Variants in STRBP observed in about 807,000 individuals in gnomAD.
STRBP encodes the protein spermatid perinuclear RNA binding protein.
Under a neutral mutation model 80.1 loss-of-function variants are expected in STRBP, and 13 were observed. That is an observed-to-expected ratio of 0.16 (90% confidence interval 0.11 to 0.26). The LOEUF (loss-of-function observed/expected upper bound fraction) is 0.26. Ranked by LOEUF, STRBP falls within the 10% of genes least tolerant of loss-of-function variation. The pLI is 1.00. For missense variants in STRBP, 485 were observed against 815.2 expected (o/e 0.59, Z 4.93); for synonymous variants, 284 against 291.2 (o/e 0.98, Z 0.25).
intron 2 of STRBP, among the ~76,000 whole-genome samples, chr9:123,224,137 G>T (rs1270764591): frequency 6.6e-6 from 1 of 152,104 alleles, no homozygotes; most frequent in Non-Finnish European, 1.5e-5. Flanking sequence ...TTATATATTA[G>T]CTCTAATCTT....
chr9:123,136,253 T>A lies in STRBP; in HGVS notation c.1633-72A>T. The A allele has an allele frequency of 6.3e-7, 1 of 1,599,910 alleles. No individual in the cohort carries two copies. Among genetic ancestry groups the A allele is most frequent in the South Asian group, 1.1e-5 (1 of 89,312 alleles). ...ATGTCCTTTTAATTTAAATAGATTA[T>A]GACACAGAAAACACCAAAAATCAAA... On this transcript the variant is annotated intron_variant, in intron 15 of 18. Transcript: ENST00000348403. The surrounding 1 kb of genome is among the most constrained non-coding windows in gnomAD (Gnocchi z 4.2).
Position 123,123,893 on chromosome 9 carries a change from C to T in STRBP, c.*1704G>A, listed in dbSNP as rs1270276734. 1.0e-6 allele frequency: 1 copy of T among 985,312 alleles called. No individual in the cohort carries two copies. Among genetic ancestry groups the T allele is most frequent in the Non-Finnish European group, 1.2e-6 (1 of 829,950 alleles). The allele number at this position is 985,312 out of a possible 1,614,324, so 61.0% of individuals were successfully genotyped here. On this transcript the variant is annotated 3_prime_UTR_variant, in exon 19 of 19. Transcript: ENST00000348403. Reference sequence around the variant, plus strand: ...AACGCATCAATGAAACATGAAAACTCCCAGCTGAAATGGGCCCTCTTGTTT... The same window carrying T: ...AACGCATCAATGAAACATGAAAACTTCCAGCTGAAATGGGCCCTCTTGTTT...
intron 1 of STRBP, among the ~76,000 whole-genome samples, chr9:123,243,845 T>A (rs1487326275): frequency 6.6e-6 from 1 of 152,212 alleles, no homozygotes; most frequent in Non-Finnish European, 1.5e-5. Flanking sequence ...AATGGTACTT[T>A]GGAAAAGTTT....
rs551451556 is a variant in STRBP, at chr9:123,210,423, G to GAA, written c.-164-26127_-164-26126dup. On this transcript the variant is annotated intron_variant, in intron 2 of 18. Coordinates refer to ENST00000348403, the MANE Select transcript of STRBP (RefSeq NM_018387.5). ...AGTCTTTTTATATTCCAAAAGAAAA[G>GAA]AAAAAAAAAATCCAGGAGTAGGATA... Among the ~76,000 whole-genome samples, 3 of 120,628 alleles carry GAA rather than the reference G, an allele frequency of 2.5e-5. No individual in the cohort carries two copies. The South Asian group carries it at 7.6e-4, about 30-fold the overall frequency. 79.1% of individuals were successfully genotyped at this position (120,628 alleles called of 152,430 possible). A position where few individuals can be genotyped will look rare whatever the true frequency, so the allele number is the denominator to read the frequency against.
At chr9:123,222,177 CTT>C (rs56900010) in intron 2 of STRBP, among the ~76,000 whole-genome samples, 3 of 144,418 alleles carry the variant, frequency 2.1e-5, no homozygotes, top group Admixed American at 6.9e-5. Context: ...GCAGTGTTTT[CTT>C]TTTTTTTTTT....
chr9:123,171,055 A>G (rs961560522), intron 5 of STRBP, among the ~76,000 whole-genome samples: 1 of 152,186 alleles, frequency 6.6e-6, no homozygotes, highest in African/African-American at 2.4e-5. Flanking sequence ...GGGAAAGGCC[A>G]TACGTAGATA....
chr9:123,191,346 C>T (rs763283660), intron 2 of STRBP, among the ~76,000 whole-genome samples: 7 of 151,488 alleles, frequency 4.6e-5, no homozygotes, highest in Non-Finnish European at 1.0e-4. Flanking sequence ...TAAGGAAGGG[C>T]GTGCCTGCGT....
rs2036343595 is a variant in STRBP, at chr9:123,136,091, A to G, written c.1723T>C (p.Phe575Leu). 1 of 1,614,022 alleles carries G rather than the reference A, an allele frequency of 6.2e-7. No individual in the cohort carries two copies. The highest frequency in any genetic ancestry group is 8.5e-7 in the Non-Finnish European group (1 of 1,180,018). ...SAALAALEKL[F>L]SGPNAANNKK... Reference sequence around the variant, plus strand: ...TTATTTGCCGCATTGGGTCCAGAAAACAGTTTCTCCAAGGCAGCTAAAGCT... The same window carrying G: ...TTATTTGCCGCATTGGGTCCAGAAAGCAGTTTCTCCAAGGCAGCTAAAGCT... Residue 575 changes from phenylalanine (F) to leucine (L), a missense_variant, in exon 16 of 19, where the codon TTT becomes CTT. By Grantham distance (22) the Phe-to-Leu change is conservative (BLOSUM62 0). Around this residue, in one of 3 missense-constraint regions of STRBP, gnomAD observed 23 missense variants for 79.0 expected, o/e 0.29. Transcript: ENST00000348403. The surrounding 1 kb of genome is among the most constrained non-coding windows in gnomAD (Gnocchi z 4.2).
At chr9:123,157,961 T>C in intron 11 of STRBP, 51 bp downstream of exon 11, 1 of 1,241,714 alleles carries the variant, frequency 8.1e-7, no homozygotes. Context: ...ATCCCATGAT[T>C]ATCTCTACCA....
chr9:123,161,090 G>A, intron 6 of STRBP, 22 bp from the exon 7 acceptor site: 1 of 1,538,570 alleles, frequency 6.5e-7, no homozygotes. Context: ...ATGGGATAAA[G>A]AGAGACAAAT....
At chr9:123,177,031 C>T (rs2038247622) in intron 4 of STRBP, among the ~76,000 whole-genome samples, 1 of 152,144 alleles carries the variant, frequency 6.6e-6, no homozygotes, top group Non-Finnish European at 1.5e-5. Flanking sequence ...ACAAGCTACC[C>T]CCCACCCATC....
At chr9:123,187,268 T>A (rs1185041199) in intron 2 of STRBP, among the ~76,000 whole-genome samples, 1 of 138,802 alleles carries the variant, frequency 7.2e-6, no homozygotes, top group South Asian at 2.3e-4. Context: ...TTCAGCTATT[T>A]AAAAAAAAAA....
Position 123,171,836 on chromosome 9 carries a change from T to C in STRBP, c.391-1790A>G, listed in dbSNP as rs572156406. Among the ~76,000 whole-genome samples, 89 of 152,324 alleles carry C rather than the reference T, an allele frequency of 5.8e-4. 1 individual carries two copies. In the South Asian group the frequency reaches 0.012, roughly 21 times the overall value. On this transcript the variant is annotated intron_variant, in intron 5 of 18. Coordinates refer to ENST00000348403, the MANE Select transcript of STRBP (RefSeq NM_018387.5). ...TATATCTTTTTTAGTTTCTTTAGCC[T>C]AAAAAGCTTCAGTCTCCTAAAATTT...
At chr9:123,130,094 T>A (rs1244241235) in intron 17 of STRBP, among the ~76,000 whole-genome samples, 1 of 152,224 alleles carries the variant, frequency 6.6e-6, no homozygotes, top group Non-Finnish European at 1.5e-5. Flanking sequence ...AACTAGGTCA[T>A]TCATCAGGAC....
At chr9:123,142,003 T>C (rs1290716473) in intron 13 of STRBP, among the ~76,000 whole-genome samples, 2 of 152,216 alleles carry the variant, frequency 1.3e-5, no homozygotes, top group Non-Finnish European at 2.9e-5. Context: ...TTAAGAGCCA[T>C]GTTGTAGCAA....
intron 11 of STRBP, among the ~76,000 whole-genome samples, chr9:123,156,075 TA>T (rs80013087): frequency 2.2e-3 from 298 of 137,220 alleles, no homozygotes; most frequent in Middle Eastern, 7.2e-3. Flanking sequence ...TCTTTAAAGT[TA>T]AAAAAAAAAA....
chr9:123,155,650 T>C (rs2037252077), intron 11 of STRBP, among the ~76,000 whole-genome samples: 1 of 150,316 alleles, frequency 6.7e-6, no homozygotes, highest in South Asian at 2.1e-4. Context: ...TGACAAGAGA[T>C]TGGAAAGTGG....
intron 2 of STRBP, among the ~76,000 whole-genome samples, chr9:123,187,246 T>C (rs1297348190): frequency 1.4e-5 from 2 of 146,186 alleles, no homozygotes; most frequent in African/African-American, 2.5e-5. Context: ...ACATTTCCTA[T>C]AGAGGACAAA....
chr9:123,253,251 T>C (rs1166253697), intron 1 of STRBP, among the ~76,000 whole-genome samples: 2 of 152,220 alleles, frequency 1.3e-5, no homozygotes, highest in African/African-American at 4.8e-5. Context: ...TACATTGCCA[T>C]TTCTTCTAAT....
Sources: allele counts gnomAD v4.1 joint callset (sites outside exome capture counted in the v4.1 genomes callset), GRCh38; gene constraint gnomAD v4.1.1; regional missense constraint gnomAD v4.1.1; non-coding constraint Gnocchi (gnomAD v3.1); transcripts MANE v1.5; gene names NCBI Gene and HGNC (gene_info 2026-07-23, HGNC 2026-07-21).